Variants in ZYG11B observed in about 807,000 individuals in gnomAD.
ZYG11B encodes zyg-11 family member B, cell cycle regulator, also known as protein zyg-11 homolog B.
Under a neutral mutation model 82.4 loss-of-function variants are expected in ZYG11B, and 36 were observed. That is an observed-to-expected ratio of 0.44 (90% CI 0.33 to 0.58). ZYG11B has a LOEUF of 0.58. Ranked by LOEUF, ZYG11B falls within the 20% of genes least tolerant of loss-of-function variation. The probability of loss-of-function intolerance (pLI) is 0.02; values close to 1 mark genes in which losing one functional copy is unlikely to be tolerated. For missense variants in ZYG11B, 552 were observed against 895.6 expected, an observed-to-expected ratio of 0.62 and a Z score of 4.90; for synonymous variants, 303 against 312.8, an observed-to-expected ratio of 0.97 and a Z score of 0.33.
At chr1:52,739,339 T>G (rs1644404929) in intron 1 of ZYG11B, among the ~76,000 whole-genome samples, 1 of 152,154 alleles carries the variant, frequency 6.6e-6, no homozygotes, top group Non-Finnish European at 1.5e-5. Flanking sequence ...ATGCCTCCAT[T>G]TTTAAATTTG....
intron 3 of ZYG11B, among the ~76,000 whole-genome samples, chr1:52,776,871 T>A (rs1644815051): frequency 6.6e-6 from 1 of 152,228 alleles, no homozygotes; most frequent in Non-Finnish European, 1.5e-5. Context: ...AGTTTGTGTA[T>A]GTATGTTATA....
At chr1:52,762,722 C>T (rs572966747) in intron 2 of ZYG11B, among the ~76,000 whole-genome samples, 1 of 151,914 alleles carries the variant, frequency 6.6e-6, no homozygotes, top group African/African-American at 2.4e-5. Context: ...CTGGGAGTTA[C>T]AGGTGCCCGC....
At chr1:52,819,514 A>G (rs974754589) in intron 13 of ZYG11B, among the ~76,000 whole-genome samples, 10 of 152,060 alleles carry the variant, frequency 6.6e-5, no homozygotes, top group South Asian at 4.1e-4. Context: ...TTGGCTGGGC[A>G]TGGTGGCTCA....
chr1:52,800,684 C>T (rs1212293224), intron 8 of ZYG11B, among the ~76,000 whole-genome samples: 1 of 152,056 alleles, frequency 6.6e-6, no homozygotes, highest in African/African-American at 2.4e-5. Context: ...TGGCATGCGC[C>T]TGTAATCCCA....
intron 13 of ZYG11B, among the ~76,000 whole-genome samples, chr1:52,820,822 C>T (rs1174838834): frequency 6.6e-6 from 1 of 151,550 alleles, no homozygotes; most frequent in Non-Finnish European, 1.5e-5. Context: ...TAAATGCAGC[C>T]TGGCATTATG....
chr1:52,742,000 A>G (rs572661345), intron 1 of ZYG11B, among the ~76,000 whole-genome samples: 1 of 152,198 alleles, frequency 6.6e-6, no homozygotes, highest in Non-Finnish European at 1.5e-5. Context: ...CTATCATTAA[A>G]TTGTCGAGTT....
At chr1:52,817,807 ATATATATATT>A (rs1645245801) in intron 13 of ZYG11B, among the ~76,000 whole-genome samples, 3 of 39,552 alleles carry the variant, frequency 7.6e-5, no homozygotes, top group East Asian at 1.2e-3. Flanking sequence ...ATATATATAT[ATATATATATT>A]TTTTTTTTTT....
At chr1:52,752,543 C>G (rs1194867537) in intron 1 of ZYG11B, among the ~76,000 whole-genome samples, 1 of 152,180 alleles carries the variant, frequency 6.6e-6, no homozygotes, top group African/African-American at 2.4e-5. Context: ...AGTGAAGTGC[C>G]TTCCTGAATT....
At chr1:52,784,760 A>G in intron 4 of ZYG11B, 117 bp from the exon 5 acceptor site, 1 of 1,150,352 alleles carries the variant, frequency 8.7e-7, no homozygotes, top group Non-Finnish European at 1.2e-6. Context: ...GCACATGAGG[A>G]TGAAAAAGAA....
intron 2 of ZYG11B, among the ~76,000 whole-genome samples, chr1:52,765,052 CTTT>C (rs879681687): frequency 7.0e-6 from 1 of 142,770 alleles, no homozygotes; most frequent in African/African-American, 2.6e-5. Flanking sequence ...TCTGAGTGAT[CTTT>C]TTTTTTTTTT....
intron 12 of ZYG11B, among the ~76,000 whole-genome samples, chr1:52,815,469 A>T (rs1274524433): frequency 6.6e-6 from 1 of 152,124 alleles, no homozygotes; most frequent in East Asian, 1.9e-4. Flanking sequence ...AAAAATAAAA[A>T]ATTAGCCAGT....
At position 52,796,687 on chromosome 1, in the gene ZYG11B, C is replaced by T. The variant is rs368677280; in HGVS notation, c.1435-47C>T. ...GGTACAGTGAATGATATTAAACTCA[C>T]ATTAATGAGTTCTTGGACATTGAAT... On this transcript the variant is annotated intron_variant, in intron 7 of 13. Transcript: ENST00000294353. 22 of 1,456,712 alleles carry T rather than the reference C, an allele frequency of 1.5e-5. No individual in the cohort carries two copies. In the Middle Eastern group the frequency reaches 6.9e-4, roughly 46 times the overall value. 90.2% of individuals were successfully genotyped at this position (1,456,712 alleles called of 1,614,324 possible).
At chr1:52,789,253 AACTG>A (rs1249446346) in intron 5 of ZYG11B, among the ~76,000 whole-genome samples, 8 of 152,170 alleles carry the variant, frequency 5.3e-5, no homozygotes, top group Non-Finnish European at 1.2e-4. Flanking sequence ...ATATCCCATT[AACTG>A]ACTTTTGCCT....
At chr1:52,764,217 A>G (rs1040662412) in intron 2 of ZYG11B, among the ~76,000 whole-genome samples, 3 of 151,910 alleles carry the variant, frequency 2.0e-5, no homozygotes, top group Non-Finnish European at 4.4e-5. Context: ...TCCGCCTCCC[A>G]GGTTCAAGTG....
At chr1:52,758,573 C>T (rs1443474934) in intron 2 of ZYG11B, among the ~76,000 whole-genome samples, 1 of 152,142 alleles carries the variant, frequency 6.6e-6, no homozygotes, top group African/African-American at 2.4e-5. Context: ...AAAGGTATCC[C>T]TGCTCCTGGA....
intron 1 of ZYG11B, among the ~76,000 whole-genome samples, chr1:52,741,208 G>A (rs1285967553): frequency 6.9e-6 from 1 of 144,826 alleles, no homozygotes; most frequent in Non-Finnish European, 1.5e-5. Flanking sequence ...TAAGGCAGGA[G>A]TATTGCTTGA....
chr1:52,771,812 C>T lies in ZYG11B; in HGVS notation c.951+38C>T, dbSNP rs754113916. The T allele has an allele frequency of 1.9e-6, 3 of 1,567,972 alleles. No individual in the cohort carries two copies. The Admixed American group carries it at 5.6e-5, about 29-fold the overall frequency. On this transcript the variant is annotated intron_variant, in intron 3 of 13. Coordinates refer to ENST00000294353, the MANE Select transcript of ZYG11B (RefSeq NM_024646.3). The surrounding 1 kb of genome is among the most constrained non-coding windows in gnomAD (Gnocchi z 5.4). ...AAATGTATTATTTTGTCAGGCTGAC[C>T]AATATCTTAGTTGCATAAGACTCTA...
At chr1:52,754,001 G>C (rs1644549212) in intron 1 of ZYG11B, among the ~76,000 whole-genome samples, 1 of 151,570 alleles carries the variant, frequency 6.6e-6, no homozygotes, top group African/African-American at 2.4e-5. Context: ...AAGTATTACA[G>C]GTGTGAGCCA....
rs376458195 is a variant in ZYG11B at position 52,816,511 on chromosome 1, T to G, written c.1947-21T>G. On this transcript the variant is annotated intron_variant, in intron 12 of 13. Coordinates refer to ENST00000294353, the MANE Select transcript of ZYG11B (RefSeq NM_024646.3). ...GCTAAATATGGGATGTAACTTTGATTCTTTTCTTTTGAACCTTTAGGTCCT... is the reference window on the plus strand; with the variant it reads ...GCTAAATATGGGATGTAACTTTGATGCTTTTCTTTTGAACCTTTAGGTCCT... 5.7e-5 allele frequency: 87 copies of G among 1,535,332 alleles called. No individual in the cohort carries two copies. The African/African-American group carries it at 1.1e-3, about 20-fold the overall frequency.
Sources: allele counts gnomAD v4.1 joint callset (sites outside exome capture counted in the v4.1 genomes callset), GRCh38; gene constraint gnomAD v4.1.1; non-coding constraint Gnocchi (gnomAD v3.1); transcripts MANE v1.5; gene names NCBI Gene and HGNC (gene_info 2026-07-23, HGNC 2026-07-21).